Variants in RNF217 observed in about 807,000 individuals in gnomAD.
The protein encoded by RNF217 is ring finger protein 217.
RNF217 carries 31 observed loss-of-function variants against 57.8 expected under a neutral mutation model. The ratio of observed to expected loss-of-function variants is 0.54; its 90% confidence interval spans 0.40 to 0.72. The LOEUF is 0.72. RNF217 is among the 30% of genes least tolerant of loss of function. The pLI is 0.00. For synonymous variants in RNF217, 313 were observed against 294.0 expected, an observed-to-expected ratio of 1.06 and a Z score of -0.66; for missense variants, 696 against 708.3, an observed-to-expected ratio of 0.98 and a Z score of 0.20.
intron 1 of RNF217, among the ~76,000 whole-genome samples, chr6:124,983,055 T>C (rs989790553): frequency 6.6e-6 from 1 of 152,218 alleles, no homozygotes; most frequent in African/African-American, 2.4e-5. Flanking sequence ...AAGGAAAAGC[T>C]TTCTATATAT....
chr6:125,069,576 T>C (rs1189247702), intron 3 of RNF217, among the ~76,000 whole-genome samples: 3 of 152,216 alleles, frequency 2.0e-5, no homozygotes, highest in Admixed American at 6.5e-5. Context: ...CTAGGTTGAT[T>C]CAGTTTGTTT....
At position 124,963,139 on chromosome 6, in the gene RNF217, A is replaced by T. The variant is rs926973340; in HGVS notation, c.595A>T (p.Ser199Cys). The T allele has an allele frequency of 1.6e-5, 25 of 1,534,124 alleles. No individual in the cohort carries two copies. In the East Asian group the frequency reaches 2.7e-4, roughly 17 times the overall value. Reference protein sequence around the residue: ...PGAPPVLNPPSTRSSFPSPRL... With the variant: ...PGAPPVLNPPCTRSSFPSPRL... ...GGCTCCGCCAGTGTTGAACCCTCCC[A>T]GCACCCGCTCTTCCTTCCCCAGCCC... The change falls in exon 1 of 6, where the codon AGC becomes TGC. Residue 199 changes from serine to cysteine, a missense_variant. Coordinates refer to ENST00000521654, the MANE Select transcript of RNF217 (RefSeq NM_001286398.3).
chr6:124,999,110 A>G (rs947321903), intron 1 of RNF217, among the ~76,000 whole-genome samples: 1 of 152,254 alleles, frequency 6.6e-6, no homozygotes, highest in African/African-American at 2.4e-5. Flanking sequence ...TCTAAAAAGC[A>G]TACTAGGAAA....
chr6:125,034,005 G>A (rs1786486149), intron 1 of RNF217, among the ~76,000 whole-genome samples: 1 of 151,954 alleles, frequency 6.6e-6, no homozygotes, highest in African/African-American at 2.4e-5. Context: ...TTTGAGAAGT[G>A]TCTGTTCATA....
chr6:124,978,299 G>A (rs751759407), intron 1 of RNF217, among the ~76,000 whole-genome samples: 1 of 151,886 alleles, frequency 6.6e-6, no homozygotes, highest in Non-Finnish European at 1.5e-5. Flanking sequence ...TTCTGGGCTT[G>A]CTCCACCTGC....
chr6:125,038,242 T>G (rs6911261), intron 1 of RNF217, among the ~76,000 whole-genome samples: 135,842 of 151,904 alleles, frequency 0.89, 61,060 homozygotes, highest in East Asian at 1. Flanking sequence ...TATTAGCATT[T>G]TACACACGGA....
intron 1 of RNF217, among the ~76,000 whole-genome samples, chr6:124,979,727 C>G (rs770506268): frequency 1.4e-4 from 21 of 152,194 alleles, no homozygotes; most frequent in Non-Finnish European, 2.8e-4. Flanking sequence ...AATCTTCGGA[C>G]AGTTTGCTTG....
intron 5 of RNF217, chr6:125,082,429 T>C (rs779525927): frequency 1.3e-5 from 21 of 1,580,098 alleles, no homozygotes; most frequent in South Asian, 6.9e-5. Context: ...GTAATAGATA[T>C]TATTATCTGT....
intron 1 of RNF217, among the ~76,000 whole-genome samples, chr6:125,030,621 G>A (rs1321621451): frequency 6.6e-6 from 1 of 152,178 alleles, no homozygotes; most frequent in Admixed American, 6.5e-5. Context: ...TTGATTCCAG[G>A]TCTCATATCC....
chr6:125,016,697 C>CA (rs1785615711), intron 1 of RNF217, among the ~76,000 whole-genome samples: 1 of 151,754 alleles, frequency 6.6e-6, no homozygotes, highest in Non-Finnish European at 1.5e-5. Flanking sequence ...GAAAACCAAA[C>CA]ACCACCTGTT....
intron 1 of RNF217, chr6:124,971,504 G>A: frequency 3.1e-6 from 1 of 323,078 alleles, no homozygotes; most frequent in South Asian, 2.5e-5. Flanking sequence ...TCACCAGGCT[G>A]GAGTGCAGTG....
At position 125,090,189 on chromosome 6, in the gene RNF217, A is replaced by T. The variant is rs1014735928; in HGVS notation, c.*7252A>T. The T allele has an allele frequency of 2.6e-5, 4 of 152,080 alleles. No individual in the cohort carries two copies. The highest frequency in any genetic ancestry group is 4.4e-5 in the Non-Finnish European group (3 of 67,962). The allele number at this position is 152,080 out of a possible 1,614,324, so 9.4% of individuals were successfully genotyped here. ...ATAATAATTAGTTTGTATATATATAAAACCATTTACCTTGACAAGGACAAT... is the reference window on the plus strand; with the variant it reads ...ATAATAATTAGTTTGTATATATATATAACCATTTACCTTGACAAGGACAAT... On this transcript the variant is annotated 3_prime_UTR_variant, in exon 6 of 6. Transcript: ENST00000521654.
intron 1 of RNF217, among the ~76,000 whole-genome samples, chr6:125,031,470 C>G (rs1786356554): frequency 6.6e-6 from 1 of 152,180 alleles, no homozygotes; most frequent in South Asian, 2.1e-4. Context: ...CTCTTAAATG[C>G]TTTGCTGCTT....
At chr6:125,045,160 G>A in intron 1 of RNF217, 51 bp from the exon 2 acceptor site, 3 of 1,207,800 alleles carry the variant, frequency 2.5e-6, no homozygotes, top group Non-Finnish European at 1.2e-6. Context: ...AAAAATGAAA[G>A]AAAATAACCA....
intron 1 of RNF217, among the ~76,000 whole-genome samples, chr6:125,030,441 A>G (rs1786304743): frequency 6.6e-6 from 1 of 152,222 alleles, no homozygotes; most frequent in Non-Finnish European, 1.5e-5. Flanking sequence ...TGTAAAATCA[A>G]AAGCAAGCTA....
intron 1 of RNF217, among the ~76,000 whole-genome samples, chr6:124,991,557 G>T (rs371678257): frequency 1.3e-5 from 2 of 151,878 alleles, no homozygotes; most frequent in Non-Finnish European, 2.9e-5. Flanking sequence ...TTTTCTCCCC[G>T]CAAGGCTGTA....
intron 1 of RNF217, among the ~76,000 whole-genome samples, chr6:124,981,424 A>G (rs1475492848): frequency 6.6e-6 from 1 of 152,196 alleles, no homozygotes; most frequent in African/African-American, 2.4e-5. Flanking sequence ...TTAGGAAGAC[A>G]TGAGACATCA....
At chr6:125,027,360 C>T (rs1477717091) in intron 1 of RNF217, among the ~76,000 whole-genome samples, 2 of 152,074 alleles carry the variant, frequency 1.3e-5, no homozygotes, top group African/African-American at 4.8e-5. Context: ...TCCGTGAGTT[C>T]AATTGATGTG....
chr6:125,001,908 A>T (rs1785002522), intron 1 of RNF217, among the ~76,000 whole-genome samples: 1 of 152,214 alleles, frequency 6.6e-6, no homozygotes, highest in African/African-American at 2.4e-5. Flanking sequence ...CTGACAGATG[A>T]GGGAGTATTC....
Sources: gnomAD v4.1 joint callset for allele counts (sites outside exome capture counted in the v4.1 genomes callset) on GRCh38, gnomAD v4.1.1 for gene constraint, MANE v1.5 for transcripts, NCBI Gene and HGNC (gene_info 2026-07-23, HGNC 2026-07-21) for gene names.